Variants in DNAH9 observed in about 807,000 individuals in gnomAD.
The protein encoded by DNAH9 is DNAH9 variant protein.
A neutral mutation model predicts 471.6 loss-of-function variants in DNAH9; 345 were observed. The observed-to-expected ratio is 0.73, with a 90% CI of 0.67 to 0.80. The LOEUF (loss-of-function observed/expected upper bound fraction) is 0.80, where lower values mean the gene tolerates loss of function less well. DNAH9 is among the 30% of genes least tolerant of loss of function. DNAH9 has a pLI of 0.00. For synonymous variants in DNAH9, 2,093 were observed against 2,123.6 expected, an observed-to-expected ratio of 0.99 and a Z score of 0.40; for missense variants, 5,407 against 5,609.2, an observed-to-expected ratio of 0.96 and a Z score of 1.15.
chr17:11,712,041 T>TAA (rs1338896041), intron 26 of DNAH9, among the ~76,000 whole-genome samples: 3 of 8,564 alleles, frequency 3.5e-4, no homozygotes, highest in Non-Finnish European at 1.0e-3. Context: ...TATTTATATA[T>TAA]ATTTATATAT....
rs183966853 is a variant in DNAH9, at chr17:11,923,736, G to A, written c.11750-78G>A. 2.4e-4 allele frequency: 381 copies of A among 1,561,870 alleles called. No homozygotes were observed. In the South Asian group the frequency reaches 2.7e-3, roughly 11 times the overall value. On this transcript the variant is annotated intron_variant, in intron 61 of 68. Transcript: ENST00000262442. ...CCCGTGTTTGAGGGGTGATCTGAGC[G>A]TGTGCATTTCCTTATGAACATCAAA...
chr17:11,750,750 T>A (rs1302017624), intron 32 of DNAH9, among the ~76,000 whole-genome samples: 1 of 152,122 alleles, frequency 6.6e-6, no homozygotes, highest in Non-Finnish European at 1.5e-5. Context: ...CAAGAACACC[T>A]ATGGGCTCCA....
At chr17:11,939,234 T>C (rs904476757) in intron 66 of DNAH9, among the ~76,000 whole-genome samples, 2 of 152,076 alleles carry the variant, frequency 1.3e-5, no homozygotes, top group Non-Finnish European at 2.9e-5. Flanking sequence ...GATGTATAAT[T>C]TGAAAATAAA....
chr17:11,942,889 GT>G (rs776931023), intron 67 of DNAH9, among the ~76,000 whole-genome samples: 54 of 135,528 alleles, frequency 4.0e-4, no homozygotes, highest in East Asian at 1.7e-3. Context: ...ACATTGGCTT[GT>G]TTTTTCTTTT....
chr17:11,781,050 T>C lies in DNAH9; in HGVS notation c.7594T>C (p.Tyr2532His). Reference sequence around the variant, plus strand: ...TCTGGAAAAGAAGGCTGGCAGAAACTATGGCCCTCCAGGGAACAAGAAACT... The same window carrying C: ...TCTGGAAAAGAAGGCTGGCAGAAACCATGGCCCTCCAGGGAACAAGAAACT... The part of the protein sequence containing the change: ...KPLEKKAGRN[Y>H]GPPGNKKLIY... Residue 2532 changes from tyrosine (Y) to histidine (H), a missense_variant, in exon 39 of 69, where the codon TAT (tyrosine) becomes CAT (histidine). Around this residue, in one of 3 missense-constraint regions of DNAH9, gnomAD observed 4,636 missense variants for 4,900.3 expected, o/e 0.95. Transcript: ENST00000262442. The C allele has an allele frequency of 3.7e-6, 6 of 1,614,172 alleles. No individual in the cohort carries two copies. Among genetic ancestry groups the C allele is most frequent in the Non-Finnish European group, 5.1e-6 (6 of 1,180,022 alleles).
chr17:11,905,855 C>T (rs546398704), intron 61 of DNAH9, 46 bp downstream of exon 61: 5 of 1,551,018 alleles, frequency 3.2e-6, no homozygotes, highest in Non-Finnish European at 4.4e-6. Context: ...TTGCCCCATG[C>T]ACTTTCATTC....
intron 49 of DNAH9, among the ~76,000 whole-genome samples, chr17:11,850,847 A>G (rs574808228): frequency 6.6e-6 from 1 of 152,144 alleles, no homozygotes; most frequent in South Asian, 2.1e-4. Flanking sequence ...CACTCAACAC[A>G]TATTTTGACA....
intron 49 of DNAH9, chr17:11,853,371 G>A (rs971561468): frequency 2.0e-5 from 3 of 152,712 alleles, no homozygotes; most frequent in African/African-American, 7.2e-5. Context: ...GCAAGTTCTG[G>A]AAGGTTTAAG....
At chr17:11,742,885 C>T (rs1597578713) in intron 30 of DNAH9, among the ~76,000 whole-genome samples, 1 of 152,338 alleles carries the variant, frequency 6.6e-6, no homozygotes, top group African/African-American at 2.4e-5. Flanking sequence ...ATCACCTTTA[C>T]TGCCATAAAA....
intron 4 of DNAH9, chr17:11,612,937 C>T (rs2150644282): frequency 6.6e-6 from 1 of 152,342 alleles, no homozygotes. Flanking sequence ...GGGCAGTGTC[C>T]TGTGCCCAGA....
chr17:11,694,736 CTT>C lies in DNAH9; in HGVS notation c.4872+291_4872+292del, dbSNP rs1295400996. On this transcript the variant is annotated intron_variant, in intron 22 of 68. Coordinates refer to ENST00000262442, the MANE Select transcript of DNAH9 (RefSeq NM_001372.4). ...TCTCTCTCTCTCTCTCTTTCTCTTTCTTTCTTTCTTTCTTTCCTTCCTTCCTT... is the reference window on the plus strand; with the variant it reads ...TCTCTCTCTCTCTCTCTTTCTCTTTCTCTTTCTTTCTTTCCTTCCTTCCTT... 4.6e-3 allele frequency among the ~76,000 whole-genome samples: 18 copies of C among 3,906 alleles called. 7 individuals are homozygous for C. Among genetic ancestry groups the C allele is most frequent in the African/African-American group, 7.7e-3 (18 of 2,326 alleles). The allele number at this position is 3,906 out of a possible 152,430, so 2.6% of individuals were successfully genotyped here. A position where few individuals can be genotyped will look rare whatever the true frequency, so the allele number is the denominator to read the frequency against.
intron 59 of DNAH9, among the ~76,000 whole-genome samples, chr17:11,897,042 A>G (rs1466898040): frequency 6.6e-6 from 1 of 152,236 alleles, no homozygotes; most frequent in Non-Finnish European, 1.5e-5. Context: ...GACAGCTGAG[A>G]TCACTTTGCG....
At chr17:11,643,259 G>C (rs2073312564) in intron 10 of DNAH9, among the ~76,000 whole-genome samples, 1 of 152,176 alleles carries the variant, frequency 6.6e-6, no homozygotes. Flanking sequence ...GTGCACACTT[G>C]TGTTTACACA....
At chr17:11,647,875 C>T (rs758731727) in intron 12 of DNAH9, among the ~76,000 whole-genome samples, 27 of 152,248 alleles carry the variant, frequency 1.8e-4, no homozygotes, top group Middle Eastern at 3.4e-3. Context: ...TCAAACTAGG[C>T]GGGAGTGCCA....
Position 11,763,426 on chromosome 17 carries a change from G to A in DNAH9, c.6996-14G>A. 6.2e-7 allele frequency: 1 copy of A among 1,612,200 alleles called. No individual in the cohort carries two copies. The highest frequency in any genetic ancestry group is 1.1e-5 in the South Asian group (1 of 90,842). On this transcript the variant is annotated splice_polypyrimidine_tract_variant and intron_variant, in intron 35 of 68. Coordinates refer to ENST00000262442, the MANE Select transcript of DNAH9 (RefSeq NM_001372.4). ...TCCTCTGTGTTTCAGATCCCCTCGG[G>A]TCTCTCTTTGCAGGTTTAAGAAGAT...
At position 11,891,771 on chromosome 17, in the gene DNAH9, C is replaced by T; in HGVS notation, c.11113-6C>T. On this transcript the variant is annotated splice_region_variant and splice_polypyrimidine_tract_variant and intron_variant, in intron 57 of 68. Coordinates refer to ENST00000262442, the MANE Select transcript of DNAH9 (RefSeq NM_001372.4). The stretch of plus-strand genomic sequence containing the variant: ...ACCTTACCAGTTTCCTGTCTTCTGT[C>T]CCCAGGCCTTCAGTATCGTCTTCCA... 1 of 1,613,848 alleles carries T rather than the reference C, an allele frequency of 6.2e-7. No homozygotes were observed. The highest frequency in any genetic ancestry group is 8.5e-7 in the Non-Finnish European group (1 of 1,179,858).
intron 17 of DNAH9, among the ~76,000 whole-genome samples, chr17:11,673,520 C>A (rs1281187652): frequency 6.6e-6 from 1 of 152,052 alleles, no homozygotes. Context: ...GAGTATGACC[C>A]CACAAGCCCT....
At chr17:11,729,805 A>T (rs2075226263) in intron 28 of DNAH9, among the ~76,000 whole-genome samples, 1 of 152,202 alleles carries the variant, frequency 6.6e-6, no homozygotes, top group Non-Finnish European at 1.5e-5. Flanking sequence ...GTCACCTCTC[A>T]TCCCATACCT....
At chr17:11,618,584 CAA>C (rs55954196) in intron 5 of DNAH9, among the ~76,000 whole-genome samples, 6 of 139,898 alleles carry the variant, frequency 4.3e-5, no homozygotes, top group Non-Finnish European at 4.6e-5. Context: ...GACTCCATCT[CAA>C]AAAAAAAAAA....
Sources: allele counts gnomAD v4.1 joint callset (sites outside exome capture counted in the v4.1 genomes callset), GRCh38; gene constraint gnomAD v4.1.1; regional missense constraint gnomAD v4.1.1; transcripts MANE v1.5; gene names NCBI Gene and HGNC (gene_info 2026-07-23, HGNC 2026-07-21).